Variants in APTX observed in about 807,000 individuals in gnomAD.
APTX encodes aprataxin.
In APTX, 33 loss-of-function variants were observed where a neutral mutation model predicts 42.3. The observed-to-expected ratio is 0.78, with a 90% CI of 0.59 to 1.04. The LOEUF (loss-of-function observed/expected upper bound fraction) is 1.04, where lower values mean the gene tolerates loss of function less well. APTX is among the 50% of genes least tolerant of loss of function. The probability of loss-of-function intolerance (pLI) is 0.00; values close to 1 mark genes in which losing one functional copy is unlikely to be tolerated. For synonymous variants in APTX, 130 were observed against 146.7 expected, an observed-to-expected ratio of 0.89 and a Z score of 0.82; for missense variants, 421 against 415.1, an observed-to-expected ratio of 1.01 and a Z score of -0.12.
intron 1 of APTX, among the ~76,000 whole-genome samples, chr9:33,012,974 G>A (rs754627907): frequency 2.0e-5 from 3 of 152,088 alleles, no homozygotes; most frequent in Non-Finnish European, 2.9e-5. Context: ...CCACTCATTC[G>A]TAAGCTCCAT....
chr9:32,986,067 A>C (rs913511892), intron 4 of APTX, 37 bp from the exon 5 acceptor site: 23 of 1,501,322 alleles, frequency 1.5e-5, no homozygotes, highest in East Asian at 2.3e-5. Flanking sequence ...AAAAAAAAAA[A>C]AAACAAGCAA....
chr9:32,987,346 T>G (rs771383646), intron 4 of APTX, among the ~76,000 whole-genome samples, 198 bp downstream of exon 4: 19 of 152,252 alleles, frequency 1.2e-4, no homozygotes, highest in Non-Finnish European at 2.5e-4. Context: ...TACCTTCAGG[T>G]GGCTTACCTC....
intron 1 of APTX, among the ~76,000 whole-genome samples, chr9:33,017,876 G>T (rs146721519): frequency 6.6e-6 from 1 of 151,796 alleles, no homozygotes; most frequent in Non-Finnish European, 1.5e-5. Flanking sequence ...CATAGTGTGA[G>T]GCTGAAAGTT....
chr9:33,002,294 C>T (rs1243241643), upstream of APTX, among the ~76,000 whole-genome samples: 1 of 152,200 alleles, frequency 6.6e-6, no homozygotes, highest in Non-Finnish European at 1.5e-5. Flanking sequence ...AAGTACAACA[C>T]ACTGGCAAAA....
intron 1 of APTX, among the ~76,000 whole-genome samples, chr9:33,008,245 A>G (rs1031869091): frequency 6.6e-6 from 1 of 151,116 alleles, no homozygotes; most frequent in Non-Finnish European, 1.5e-5. Context: ...AATAATATAA[A>G]TAAACAACAA....
At chr9:33,011,142 C>CA (rs1423438875) in intron 1 of APTX, among the ~76,000 whole-genome samples, 1 of 139,118 alleles carries the variant, frequency 7.2e-6, no homozygotes, top group Admixed American at 7.2e-5. Context: ...GACTCCGTCT[C>CA]AAAAAAAAGA....
intron 7 of APTX, 109 bp from the exon 8 acceptor site, chr9:32,973,761 C>T: frequency 3.5e-6 from 5 of 1,420,090 alleles, no homozygotes; most frequent in Non-Finnish European, 4.9e-6. Context: ...GTATGCCAGG[C>T]CAGGTATTCT....
intron 6 of APTX, among the ~76,000 whole-genome samples, chr9:32,977,626 T>A (rs959546507): frequency 3.3e-5 from 5 of 150,434 alleles, no homozygotes; most frequent in Admixed American, 3.3e-4. Flanking sequence ...AGGCCAGGAG[T>A]TCAAGACCAG....
intron 6 of APTX, chr9:32,979,486 A>C (rs1367606985): frequency 6.5e-6 from 1 of 152,758 alleles, no homozygotes; most frequent in Non-Finnish European, 1.5e-5. Flanking sequence ...TGCTACTGTG[A>C]ATAGTGCTGC....
At chr9:32,996,116 C>T (rs1834856156) in intron 1 of APTX, among the ~76,000 whole-genome samples, 1 of 152,114 alleles carries the variant, frequency 6.6e-6, no homozygotes, top group African/African-American at 2.4e-5. Flanking sequence ...TAACAGACTA[C>T]AGTATAGTAT....
upstream of APTX, among the ~76,000 whole-genome samples, chr9:33,001,993 G>T (rs1426506178): frequency 6.6e-6 from 1 of 152,190 alleles, no homozygotes; most frequent in African/African-American, 2.4e-5. Context: ...ACCTGCTGTA[G>T]CACTGCTACT....
At chr9:32,977,726 A>G (rs911526322) in intron 6 of APTX, among the ~76,000 whole-genome samples, 1 of 151,920 alleles carries the variant, frequency 6.6e-6, no homozygotes, top group African/African-American at 2.4e-5. Flanking sequence ...AGCTACTCGG[A>G]CAGCTGAGGC....
chr9:32,987,169 AT>A (rs1832391253), intron 4 of APTX, among the ~76,000 whole-genome samples: 1 of 152,210 alleles, frequency 6.6e-6, no homozygotes, highest in East Asian at 1.9e-4. Flanking sequence ...ATGCCAGAGT[AT>A]GAGTCATACC....
At position 33,008,313 on chromosome 9, in the gene APTX, T is replaced by C. The variant is rs190340425; in HGVS notation, c.-5+16710A>G. On this transcript the variant is annotated intron_variant, in intron 1 of 6. Transcript: ENST00000436040. ...CATATCCAAGTAAAATATTTTTAGA[T>C]TTTTTTTGATGAGGAAATTGAGCAT... 3.7e-3 allele frequency among the ~76,000 whole-genome samples: 560 copies of C among 151,500 alleles called. 1 individual carries two copies. Among genetic ancestry groups the C allele is most frequent in the Non-Finnish European group, 6.0e-3 (405 of 67,848 alleles).
At position 32,986,037 on chromosome 9, in the gene APTX, AAAAAAC is replaced by A. The variant is rs745960243; in HGVS notation, c.484-13_484-8del. On this transcript the variant is annotated splice_polypyrimidine_tract_variant and splice_region_variant and intron_variant, in intron 4 of 7. Transcript: ENST00000379817. Reference sequence around the variant, plus strand: ...TCCAGTGGCCCAGGGATTCCTAAAAAAAAAACAAAAAAAAAAACAAAAAAAAAAAAA... The same window carrying A: ...TCCAGTGGCCCAGGGATTCCTAAAAAAAAAAAAAAAACAAAAAAAAAAAAA... 57 of 654,590 alleles carry A rather than the reference AAAAAAC, an allele frequency of 8.7e-5. No individual in the cohort carries two copies. Among genetic ancestry groups the A allele is most frequent in the Non-Finnish European group, 1.2e-4 (54 of 444,374 alleles). 40.5% of individuals were successfully genotyped at this position (654,590 alleles called of 1,614,324 possible).
intron 1 of APTX, among the ~76,000 whole-genome samples, chr9:33,021,237 TAAG>T (rs1460491331): frequency 6.6e-6 from 1 of 151,844 alleles, no homozygotes; most frequent in Admixed American, 6.6e-5. Flanking sequence ...GTAACACATT[TAAG>T]AAGAAATGAT....
chr9:33,017,404 G>T (rs1233870787), intron 1 of APTX, among the ~76,000 whole-genome samples: 1 of 152,122 alleles, frequency 6.6e-6, no homozygotes, highest in African/African-American at 2.4e-5. Context: ...TGGGTGTCTG[G>T]TGAGGGCCTG....
chr9:33,000,831 C>CTTTTTTTTTTTTCTTTT (rs1836189073), intron 1 of APTX, among the ~76,000 whole-genome samples: 3 of 123,482 alleles, frequency 2.4e-5, no homozygotes, highest in Non-Finnish European at 3.4e-5. Context: ...TGGGGAAAGG[C>CTTTTTTTTTTTTCTTTT]TTTTTTTTTT....
At chr9:33,011,682 A>G (rs1454589802) in intron 1 of APTX, among the ~76,000 whole-genome samples, 2 of 152,204 alleles carry the variant, frequency 1.3e-5, no homozygotes, top group Non-Finnish European at 2.9e-5. Flanking sequence ...CTTTAAATGT[A>G]TCCATTCATC....
Sources: allele counts gnomAD v4.1 joint callset (sites outside exome capture counted in the v4.1 genomes callset), GRCh38; gene constraint gnomAD v4.1.1; transcripts MANE v1.5; gene names NCBI Gene and HGNC (gene_info 2026-07-23, HGNC 2026-07-21).